FRMPD4: variants seen among roughly 807,000 people sequenced by gnomAD.
The protein encoded by FRMPD4 is FERM and PDZ domain containing 4.
FRMPD4 carries 22 observed loss-of-function variants against 94.1 expected under a neutral mutation model. The observed-to-expected ratio is 0.23, with a 90% confidence interval of 0.17 to 0.33. FRMPD4 has a LOEUF of 0.33. FRMPD4 is among the 10% of genes least tolerant of loss of function. FRMPD4 has a pLI of 1.00. For synonymous variants in FRMPD4, 631 were observed against 548.6 expected (o/e 1.15, Z -2.10); for missense variants, 1,111 against 1,339.9 (o/e 0.83, Z 2.67).
At position 11,961,077 on chromosome X, in the gene FRMPD4, T is replaced by G. The variant is rs192430302; in HGVS notation, c.95+83059T>G. 5.2e-3 allele frequency among the ~76,000 whole-genome samples: 579 copies of G among 112,083 alleles called. 1 individual carries two copies. The highest frequency in any genetic ancestry group is 0.018 in the African/African-American group (554 of 30,880). On this transcript the variant is annotated intron_variant, in intron 3 of 18. Transcript: ENST00000640291. The stretch of plus-strand genomic sequence containing the variant: ...TGCCCTTGGAATTTTCTAACTGTTC[T>G]TTGATCGTACAAATTTCTATAGTCA...
intron 1 of FRMPD4, among the ~76,000 whole-genome samples, chrX:12,161,628 T>A: frequency 8.9e-6 from 1 of 111,836 alleles, no homozygotes; most frequent in South Asian, 3.8e-4. Context: ...AGAGTTAGGA[T>A]TTGACCATTG....
At chrX:12,534,811 G>A (rs2058321279) in intron 2 of FRMPD4, among the ~76,000 whole-genome samples, 1 of 112,508 alleles carries the variant, frequency 8.9e-6, no homozygotes, top group African/African-American at 3.2e-5. Context: ...CTCATAGGCA[G>A]AAGGGACTTG....
intron 1 of FRMPD4, among the ~76,000 whole-genome samples, chrX:12,463,182 G>A (rs1449743822): frequency 9.0e-6 from 1 of 111,665 alleles, no homozygotes; most frequent in Non-Finnish European, 1.9e-5. Flanking sequence ...AAAGATTGGA[G>A]AAACCACTAA....
intron 3 of FRMPD4, among the ~76,000 whole-genome samples, chrX:12,056,436 T>C (rs1399137997): frequency 9.0e-6 from 1 of 111,697 alleles, no homozygotes; most frequent in Non-Finnish European, 1.9e-5. Context: ...GGCCAGTTTC[T>C]ACACAGGAAC....
intron 1 of FRMPD4, among the ~76,000 whole-genome samples, chrX:12,276,769 G>A (rs950263394): frequency 9.0e-6 from 1 of 111,581 alleles, no homozygotes; most frequent in Non-Finnish European, 1.9e-5. Context: ...TCAGATGATT[G>A]TGGGGGGACC....
At chrX:11,858,559 G>A (rs2053666400) in intron 1 of FRMPD4, among the ~76,000 whole-genome samples, 1 of 110,939 alleles carries the variant, frequency 9.0e-6, no homozygotes, top group Non-Finnish European at 1.9e-5. Context: ...AGAGGGCAGA[G>A]GGTGGGAGGA....
chrX:12,713,415 C>T (rs2042022420), intron 14 of FRMPD4, among the ~76,000 whole-genome samples: 1 of 110,943 alleles, frequency 9.0e-6, no homozygotes, highest in African/African-American at 3.3e-5. Context: ...ACTTCAGCCT[C>T]ACCATCATTT....
intron 1 of FRMPD4, among the ~76,000 whole-genome samples, chrX:12,146,364 CAAAAA>C (rs59744883): frequency 0.1 from 9,977 of 98,601 alleles, 1,006 homozygotes; most frequent in East Asian, 0.64. Context: ...GACTCTGTCT[CAAAAA>C]AAAAAAGAAA....
rs764856080 is a variant in FRMPD4, at chrX:12,240,017, G to T, written c.41+101005G>T. ...ACCTTCAGTTCATACATAACACGTG[G>T]TTTTGACTTTTATAATGTTTACAAT... On this transcript the variant is annotated intron_variant, in intron 1 of 16. Coordinates refer to ENST00000675598, the MANE Select transcript of FRMPD4 (RefSeq NM_001368397.1). Among the ~76,000 whole-genome samples, 8 of 112,344 alleles carry T rather than the reference G, an allele frequency of 7.1e-5. No homozygotes were observed. In the East Asian group the frequency reaches 2.2e-3, roughly 31 times the overall value.
chrX:12,070,852 C>T (rs755155316), intron 3 of FRMPD4, among the ~76,000 whole-genome samples: 2 of 112,245 alleles, frequency 1.8e-5, no homozygotes, highest in Admixed American at 9.4e-5. Context: ...TCATTTAAAG[C>T]GCAAGCCTTC....
intron 4 of FRMPD4, among the ~76,000 whole-genome samples, chrX:12,628,833 C>G (rs5979695): frequency 0.023 from 2,613 of 112,479 alleles, 72 homozygotes; most frequent in African/African-American, 0.078. Flanking sequence ...TCTTCACACT[C>G]CTAATAAAGC....
chrX:12,587,127 C>T (rs982367848), intron 2 of FRMPD4, among the ~76,000 whole-genome samples: 1 of 110,071 alleles, frequency 9.1e-6, no homozygotes, highest in Non-Finnish European at 1.9e-5. Context: ...CAAGTTCGCG[C>T]CACCACGCCT....
At chrX:12,445,277 A>T (rs1341793827) in intron 1 of FRMPD4, among the ~76,000 whole-genome samples, 1 of 112,599 alleles carries the variant, frequency 8.9e-6, no homozygotes, top group Non-Finnish European at 1.9e-5. Context: ...ATATGTTTTA[A>T]CAAGCCCTCC....
At chrX:12,062,823 C>T (rs1019152605) in intron 3 of FRMPD4, among the ~76,000 whole-genome samples, 9 of 111,399 alleles carry the variant, frequency 8.1e-5, no homozygotes, top group African/African-American at 2.9e-4. Context: ...ACTGATTTTT[C>T]TATTGAGCTG....
At chrX:11,845,818 A>C (rs1320630459) in intron 1 of FRMPD4, among the ~76,000 whole-genome samples, 1 of 109,087 alleles carries the variant, frequency 9.2e-6, no homozygotes, top group Non-Finnish European at 1.9e-5. Flanking sequence ...GGCCTTTGAC[A>C]AAATTCAACA....
chrX:11,982,734 CATTTTAATTTA>C (rs2147389842), intron 3 of FRMPD4, among the ~76,000 whole-genome samples: 1 of 111,931 alleles, frequency 8.9e-6, no homozygotes, highest in East Asian at 2.8e-4. Context: ...TTAATTATTA[CATTTTAATTTA>C]AAGATTGTTT....
chrX:12,554,677 T>C (rs2058576515), intron 2 of FRMPD4, among the ~76,000 whole-genome samples: 1 of 111,759 alleles, frequency 8.9e-6, no homozygotes, highest in South Asian at 3.8e-4. Context: ...AGTGGCACGA[T>C]CAATAACTCA....
Position 12,488,805 on chromosome X carries a change from G to A in FRMPD4, c.42-9875G>A, listed in dbSNP as rs757335606. ...AGCTTGAAGGGACTTCTGAAATCAT[G>A]TAGTCTAGCCCCTTCATTCTAAAAA... On this transcript the variant is annotated intron_variant, in intron 1 of 16. Coordinates refer to ENST00000675598, the MANE Select transcript of FRMPD4 (RefSeq NM_001368397.1). Among the ~76,000 whole-genome samples, 5 of 111,698 alleles carry A rather than the reference G, an allele frequency of 4.5e-5. No homozygotes were observed. The South Asian group carries it at 1.5e-3, about 33-fold the overall frequency.
At chrX:12,379,882 T>A in intron 1 of FRMPD4, among the ~76,000 whole-genome samples, 1 of 111,618 alleles carries the variant, frequency 9.0e-6, no homozygotes, top group Admixed American at 9.6e-5. Flanking sequence ...GGATTCATTA[T>A]GTCATGAGTG....
Sources: allele counts gnomAD v4.1 joint callset (sites outside exome capture counted in the v4.1 genomes callset), GRCh38; gene constraint gnomAD v4.1.1; transcripts MANE v1.5; gene names NCBI Gene and HGNC (gene_info 2026-07-23, HGNC 2026-07-21).